MPPED2: variants seen among roughly 807,000 people sequenced by gnomAD.
The protein encoded by MPPED2 is metallophosphoesterase domain containing 2.
In MPPED2, 5 loss-of-function variants were observed where a neutral mutation model predicts 33.0. The observed-to-expected ratio is 0.15, with a 90% CI of 0.08 to 0.32. The LOEUF (loss-of-function observed/expected upper bound fraction) is 0.32, where lower values mean the gene tolerates loss of function less well. MPPED2 is among the 10% of genes least tolerant of loss of function. The pLI, the probability that MPPED2 is intolerant of heterozygous loss-of-function variation, is 1.00. For synonymous variants in MPPED2, 136 were observed against 141.9 expected (o/e 0.96, Z 0.29); for missense variants, 275 against 372.1 (o/e 0.74, Z 2.15).
At chr11:30,557,954 G>T (rs1956060691) in intron 2 of MPPED2, among the ~76,000 whole-genome samples, 1 of 152,114 alleles carries the variant, frequency 6.6e-6, no homozygotes, top group Admixed American at 6.5e-5. Context: ...GGCCTTGCTA[G>T]GAAGATATAA....
intron 4 of MPPED2, among the ~76,000 whole-genome samples, chr11:30,432,958 A>T (rs996608581): frequency 2.6e-5 from 4 of 152,200 alleles, no homozygotes; most frequent in Non-Finnish European, 4.4e-5. Context: ...CGTGGAAAAA[A>T]GCCTCTAATC....
At chr11:30,536,484 A>G (rs532600367) in intron 2 of MPPED2, among the ~76,000 whole-genome samples, 4 of 152,226 alleles carry the variant, frequency 2.6e-5, no homozygotes, top group Admixed American at 6.5e-5. Context: ...GTTTAGGGAT[A>G]CTGAACCTCA....
At chr11:30,572,477 A>G (rs1391610569) in intron 2 of MPPED2, among the ~76,000 whole-genome samples, 2 of 152,212 alleles carry the variant, frequency 1.3e-5, no homozygotes, top group Non-Finnish European at 2.9e-5. Context: ...GTTTATATAT[A>G]AAGTGCAAAC....
intron 3 of MPPED2, among the ~76,000 whole-genome samples, chr11:30,528,319 G>A (rs1386021862): frequency 2.0e-5 from 3 of 152,002 alleles, no homozygotes; most frequent in East Asian, 3.8e-4. Context: ...GCAGTAGCAC[G>A]ATCTTGGCTC....
chr11:30,565,424 A>G (rs1365277893), intron 2 of MPPED2, among the ~76,000 whole-genome samples: 1 of 152,170 alleles, frequency 6.6e-6, no homozygotes, highest in Non-Finnish European at 1.5e-5. Flanking sequence ...TTACTAAACC[A>G]TAATTTACCT....
intron 4 of MPPED2, among the ~76,000 whole-genome samples, chr11:30,482,605 C>T (rs1951539173): frequency 6.6e-6 from 1 of 152,080 alleles, no homozygotes; most frequent in African/African-American, 2.4e-5. Flanking sequence ...GAAACTCAGA[C>T]AAAAAGCTTT....
At chr11:30,395,454 A>G (rs1947828180) in intron 6 of MPPED2, among the ~76,000 whole-genome samples, 1 of 152,130 alleles carries the variant, frequency 6.6e-6, no homozygotes, top group African/African-American at 2.4e-5. Context: ...CTACTACACA[A>G]TGGTTCATGT....
intron 3 of MPPED2, among the ~76,000 whole-genome samples, chr11:30,514,488 T>C (rs1953411473): frequency 6.6e-6 from 1 of 152,184 alleles, no homozygotes; most frequent in Non-Finnish European, 1.5e-5. Flanking sequence ...TACCAGATGC[T>C]GAAAACTGCT....
At chr11:30,408,602 G>T (rs866356346), downstream of MPPED2, among the ~76,000 whole-genome samples, 13 of 152,256 alleles carry the variant, frequency 8.5e-5, no homozygotes, top group Non-Finnish European at 1.5e-4. Flanking sequence ...GAGCCACCGT[G>T]CCTGTCTTAT....
At chr11:30,417,116 A>C (rs1948401243) in intron 5 of MPPED2, among the ~76,000 whole-genome samples, 1 of 152,228 alleles carries the variant, frequency 6.6e-6, no homozygotes, top group African/African-American at 2.4e-5. Flanking sequence ...AAGGAAAATG[A>C]GCTCCTTTGA....
At chr11:30,462,162 A>G (rs556420811) in intron 4 of MPPED2, among the ~76,000 whole-genome samples, 23 of 152,348 alleles carry the variant, frequency 1.5e-4, no homozygotes, top group African/African-American at 5.5e-4. Context: ...GAAAGTTCAC[A>G]TTGAACACCT....
intron 6 of MPPED2, among the ~76,000 whole-genome samples, chr11:30,396,502 GC>G (rs1258723155): frequency 2.6e-5 from 4 of 152,122 alleles, no homozygotes; most frequent in African/African-American, 9.7e-5. Flanking sequence ...TGGAATATGT[GC>G]CTTCTAATTC....
intron 2 of MPPED2, among the ~76,000 whole-genome samples, chr11:30,579,442 G>T (rs1957070690): frequency 6.6e-6 from 1 of 152,120 alleles, no homozygotes; most frequent in African/African-American, 2.4e-5. Flanking sequence ...ACCAGGCCTT[G>T]AATAAACAAG....
chr11:30,585,471 C>A (rs1054040762), intron 1 of MPPED2, among the ~76,000 whole-genome samples: 9 of 152,040 alleles, frequency 5.9e-5, no homozygotes, highest in African/African-American at 9.7e-5. Context: ...GGCCTCGGGC[C>A]GCCGCGGGAG....
intron 3 of MPPED2, among the ~76,000 whole-genome samples, chr11:30,511,573 G>A (rs1230466208): frequency 3.3e-5 from 5 of 151,974 alleles, no homozygotes; most frequent in African/African-American, 7.3e-5. Flanking sequence ...GATTATGTAC[G>A]GCACAATGTA....
chr11:30,544,472 A>G (rs929282668), intron 2 of MPPED2, among the ~76,000 whole-genome samples: 3 of 152,214 alleles, frequency 2.0e-5, no homozygotes, highest in African/African-American at 7.2e-5. Context: ...ATGTATAAAG[A>G]AGACAAAGAA....
At chr11:30,520,230 AG>A (rs1953785641) in intron 3 of MPPED2, among the ~76,000 whole-genome samples, 1 of 152,218 alleles carries the variant, frequency 6.6e-6, no homozygotes, top group Non-Finnish European at 1.5e-5. Context: ...ATGTAAAAAA[AG>A]TTTACCCCAG....
intron 4 of MPPED2, among the ~76,000 whole-genome samples, chr11:30,430,037 C>A: frequency 6.6e-6 from 1 of 151,956 alleles, no homozygotes; most frequent in African/African-American, 2.4e-5. Flanking sequence ...TAGCACAGTG[C>A]CTGACACAAA....
chr11:30,482,315 C>T (rs1236498373), intron 4 of MPPED2, among the ~76,000 whole-genome samples: 2 of 152,048 alleles, frequency 1.3e-5, no homozygotes, highest in African/African-American at 2.4e-5. Context: ...TTTTAAAATG[C>T]TTACTGCTAA....
Sources: allele counts gnomAD v4.1 joint callset (sites outside exome capture counted in the v4.1 genomes callset), GRCh38; gene constraint gnomAD v4.1.1; transcripts MANE v1.5; gene names NCBI Gene and HGNC (gene_info 2026-07-23, HGNC 2026-07-21).